Variants in ANO3 observed in about 807,000 individuals in gnomAD.
ANO3 encodes the protein anoctamin 3, also known as anoctamin-3.
ANO3 carries 99 observed loss-of-function variants against 144.8 expected under a neutral mutation model. That is an observed-to-expected ratio of 0.68 (90% CI 0.58 to 0.81). The LOEUF is 0.81. Among genes scored for constraint, ANO3 ranks in the 30% least tolerant of loss-of-function variants. The probability of loss-of-function intolerance (pLI) is 0.00; values close to 1 mark genes in which losing one functional copy is unlikely to be tolerated. For synonymous variants in ANO3, 414 were observed against 392.6 expected (o/e 1.05, Z -0.64); for missense variants, 905 against 1,202.2 (o/e 0.75, Z 3.66).
intron 1 of ANO3, among the ~76,000 whole-genome samples, chr11:26,362,604 G>A (rs978318867): frequency 6.6e-6 from 1 of 152,132 alleles, no homozygotes; most frequent in African/African-American, 2.4e-5. Context: ...TGCTCCTGGT[G>A]TATGCCTTAG....
chr11:26,586,528 T>A (rs1851288524), intron 14 of ANO3, among the ~76,000 whole-genome samples: 1 of 126,852 alleles, frequency 7.9e-6, no homozygotes, highest in South Asian at 2.7e-4. Context: ...TTTTGAGACA[T>A]AGTCTCATTC....
At chr11:26,475,691 ATATG>A (rs1249148813) in intron 4 of ANO3, among the ~76,000 whole-genome samples, 1 of 152,074 alleles carries the variant, frequency 6.6e-6, no homozygotes, top group East Asian at 1.9e-4. Context: ...TTCATAAGAA[ATATG>A]TATGTCTATC....
At chr11:26,277,301 A>G (rs1032368089) in intron 1 of ANO3, among the ~76,000 whole-genome samples, 12 of 152,130 alleles carry the variant, frequency 7.9e-5, no homozygotes, top group Non-Finnish European at 1.5e-5. Context: ...TAGAAGAGAA[A>G]ACAATTTGGA....
At chr11:26,332,553 G>A (rs754952393) in intron 1 of ANO3, among the ~76,000 whole-genome samples, 6 of 151,138 alleles carry the variant, frequency 4.0e-5, no homozygotes, top group Non-Finnish European at 8.8e-5. Flanking sequence ...TTCAGGACTT[G>A]ACTTAATGTA....
intron 1 of ANO3, among the ~76,000 whole-genome samples, chr11:26,301,253 T>C (rs916794951): frequency 1.4e-4 from 21 of 152,222 alleles, no homozygotes; most frequent in African/African-American, 5.1e-4. Flanking sequence ...AATTTCAATT[T>C]GGAATTTAAA....
Position 26,530,900 on chromosome 11 carries a change from A to AACAAAC in ANO3, c.738-304_738-303insCAAACA, listed in dbSNP as rs1429630447. 2.0e-5 allele frequency among the ~76,000 whole-genome samples: 3 copies of AACAAAC among 151,720 alleles called. 1 individual carries two copies. The highest frequency in any genetic ancestry group is 3.9e-4 in the East Asian group (2 of 5,180). ...AAACAAAAACAAAAACAAAAACAAAAAATCTCTTTCCTACCACCATCTTTA... is the reference window on the plus strand; with the variant it reads ...AAACAAAAACAAAAACAAAAACAAAAACAAACAATCTCTTTCCTACCACCATCTTTA... On this transcript the variant is annotated intron_variant, in intron 7 of 26. Transcript: ENST00000256737.
intron 5 of ANO3, among the ~76,000 whole-genome samples, chr11:26,512,620 A>G (rs12273987): frequency 0.042 from 6,461 of 152,336 alleles, 310 homozygotes; most frequent in African/African-American, 0.11. Flanking sequence ...TATACATTTT[A>G]AGACTTACAA....
At position 26,538,298 on chromosome 11, in the gene ANO3, C is replaced by T. The variant is rs570701053; in HGVS notation, c.1032+837C>T. Among the ~76,000 whole-genome samples, 11 of 152,182 alleles carry T rather than the reference C, an allele frequency of 7.2e-5. No individual in the cohort carries two copies. The South Asian group carries it at 1.2e-3, about 17-fold the overall frequency. ...GTACAGAAAGGTTAGATATCAAAGG[C>T]GCAGTTTTGAGCACCGGAAGCCAAT... On this transcript the variant is annotated intron_variant, in intron 10 of 26. Transcript: ENST00000256737.
intron 1 of ANO3, among the ~76,000 whole-genome samples, chr11:26,260,620 A>AAAAAACAACT (rs1853165643): frequency 1.3e-5 from 2 of 152,168 alleles, no homozygotes; most frequent in African/African-American, 4.8e-5. Flanking sequence ...AAAGATCCTG[A>AAAAAACAACT]TCTTAACCAA....
chr11:26,324,934 C>T (rs1854847601), intron 1 of ANO3, among the ~76,000 whole-genome samples: 1 of 152,070 alleles, frequency 6.6e-6, no homozygotes, highest in African/African-American at 2.4e-5. Flanking sequence ...TTGGTTGCTC[C>T]TGATTGCACT....
intron 1 of ANO3, among the ~76,000 whole-genome samples, chr11:26,333,162 T>A (rs760152290): frequency 6.6e-6 from 1 of 152,220 alleles, no homozygotes; most frequent in Non-Finnish European, 1.5e-5. Flanking sequence ...CTTAGATGTG[T>A]GAATTCTGGA....
At position 26,443,938 on chromosome 11, in the gene ANO3, T is replaced by C; in HGVS notation, c.313+102T>C. 4.1e-6 allele frequency: 3 copies of C among 727,776 alleles called. No homozygotes were observed. The South Asian group carries it at 6.3e-5, about 15-fold the overall frequency. The allele number at this position is 727,776 out of a possible 1,614,324, so 45.1% of individuals were successfully genotyped here. A position where few individuals can be genotyped will look rare whatever the true frequency, so the allele number is the denominator to read the frequency against. On this transcript the variant is annotated intron_variant, in intron 3 of 26. Transcript: ENST00000256737. ...CATTTTTTTTTTAAGAAAAAGTTCATGTTTGGTTTTTAACGTAATAGGTGA... is the reference window on the plus strand; with the variant it reads ...CATTTTTTTTTTAAGAAAAAGTTCACGTTTGGTTTTTAACGTAATAGGTGA...
intron 3 of ANO3, among the ~76,000 whole-genome samples, chr11:26,462,015 T>G (rs1452882920): frequency 6.6e-6 from 1 of 151,978 alleles, no homozygotes; most frequent in Non-Finnish European, 1.5e-5. Context: ...ACCTATATAA[T>G]TTTAGTTTAT....
chr11:26,633,844 GGCCAGCAGA>G (rs1852862055), intron 18 of ANO3, among the ~76,000 whole-genome samples: 2 of 152,210 alleles, frequency 1.3e-5, no homozygotes, highest in South Asian at 4.2e-4. Flanking sequence ...GGGAGGCCGA[GGCCAGCAGA>G]TCACCTGAGG....
intron 1 of ANO3, among the ~76,000 whole-genome samples, chr11:26,346,238 C>G (rs1855493220): frequency 6.6e-6 from 1 of 152,096 alleles, no homozygotes; most frequent in Non-Finnish European, 1.5e-5. Flanking sequence ...TATGTTTAAG[C>G]TTGTTTCTGC....
At chr11:26,578,771 C>T (rs1851056094) in intron 14 of ANO3, among the ~76,000 whole-genome samples, 1 of 152,072 alleles carries the variant, frequency 6.6e-6, no homozygotes, top group African/African-American at 2.4e-5. Context: ...TTATAGGCTC[C>T]CTGTAGATTC....
upstream of ANO3, among the ~76,000 whole-genome samples, chr11:26,305,574 C>A (rs10834961): frequency 6.6e-6 from 1 of 151,840 alleles, no homozygotes; most frequent in Admixed American, 6.6e-5. Context: ...AAGTAGTCTG[C>A]AGAGACTTTT....
chr11:26,341,981 C>G (rs1855373893), intron 1 of ANO3, among the ~76,000 whole-genome samples: 1 of 152,142 alleles, frequency 6.6e-6, no homozygotes. Flanking sequence ...TCTGACTCTC[C>G]CAGTCCACTG....
chr11:26,345,784 A>G (rs542515114), intron 1 of ANO3, among the ~76,000 whole-genome samples: 1 of 152,208 alleles, frequency 6.6e-6, no homozygotes, highest in Non-Finnish European at 1.5e-5. Flanking sequence ...CTGTGTGCCA[A>G]TCATCACTGT....
Sources: gnomAD v4.1 joint callset for allele counts (sites outside exome capture counted in the v4.1 genomes callset) on GRCh38, gnomAD v4.1.1 for gene constraint, MANE v1.5 for transcripts, NCBI Gene and HGNC (gene_info 2026-07-23, HGNC 2026-07-21) for gene names.